The following RALGPS1 variants were observed in gnomAD, a reference collection of about 807,000 sequenced individuals.
RALGPS1 encodes ras-specific guanine nucleotide-releasing factor RalGPS1.
RALGPS1 carries 19 observed loss-of-function variants against 78.8 expected under a neutral mutation model. The observed-to-expected ratio is 0.24, with a 90% CI of 0.17 to 0.35. The LOEUF is 0.35. Ranked by LOEUF, RALGPS1 falls within the 10% of genes least tolerant of loss-of-function variation. The probability of loss-of-function intolerance (pLI) is 1.00; values close to 1 mark genes in which losing one functional copy is unlikely to be tolerated. For synonymous variants in RALGPS1, 228 were observed against 256.3 expected, an observed-to-expected ratio of 0.89 and a Z score of 1.06; for missense variants, 454 against 688.3, an observed-to-expected ratio of 0.66 and a Z score of 3.81.
At chr9:127,034,272 C>T (rs2046671168) in intron 4 of RALGPS1, among the ~76,000 whole-genome samples, 159 bp from the exon 5 acceptor site, 5 of 152,160 alleles carry the variant, frequency 3.3e-5, no homozygotes, top group Admixed American at 1.3e-4. Context: ...GCACTGTCAC[C>T]TACAAACCCA....
intron 8 of RALGPS1, among the ~76,000 whole-genome samples, chr9:127,105,710 T>C (rs1290812140): frequency 6.6e-6 from 1 of 152,138 alleles, no homozygotes; most frequent in African/African-American, 2.4e-5. Context: ...CCCAGAGAAA[T>C]CCATTGTCAG....
At chr9:127,103,854 G>A (rs2053970555) in intron 8 of RALGPS1, among the ~76,000 whole-genome samples, 1 of 152,210 alleles carries the variant, frequency 6.6e-6, no homozygotes, top group African/African-American at 2.4e-5. Flanking sequence ...TTCACGGGGT[G>A]ATTTTTACAC....
intron 8 of RALGPS1, among the ~76,000 whole-genome samples, chr9:127,117,173 C>T (rs1564612666): frequency 6.6e-6 from 1 of 152,234 alleles, no homozygotes; most frequent in Non-Finnish European, 1.5e-5. Flanking sequence ...CCTAAGTTGA[C>T]CTCACCATGA....
At chr9:127,154,288 C>A (rs892839678) in intron 8 of RALGPS1, among the ~76,000 whole-genome samples, 1 of 152,260 alleles carries the variant, frequency 6.6e-6, no homozygotes, top group Non-Finnish European at 1.5e-5. Context: ...TGCCTTGTGT[C>A]CACAGGGTGT....
chr9:127,014,556 T>C (rs2044644608), intron 4 of RALGPS1, among the ~76,000 whole-genome samples: 1 of 152,112 alleles, frequency 6.6e-6, no homozygotes, highest in Non-Finnish European at 1.5e-5. Context: ...TCTTTGGCTG[T>C]GAAATGTTGA....
At chr9:126,933,717 G>A (rs1014263450) in intron 1 of RALGPS1, among the ~76,000 whole-genome samples, 5 of 152,272 alleles carry the variant, frequency 3.3e-5, no homozygotes, top group African/African-American at 9.6e-5. Flanking sequence ...GTAGAGTAAG[G>A]TGTGGGGTAT....
rs1362612535 is a variant in RALGPS1, at chr9:127,069,458, G to T, written c.610+102G>T. The T allele has an allele frequency of 5.1e-6, 7 of 1,373,470 alleles. No individual in the cohort carries two copies. The East Asian group carries it at 9.3e-5, about 18-fold the overall frequency. 85.1% of individuals were successfully genotyped at this position (1,373,470 alleles called of 1,614,324 possible). ...TGAAAAATTTCCAGGAAGCGACATG[G>T]CCCGTAGATAAAGAGGCAATTGGTT... On this transcript the variant is annotated intron_variant, in intron 8 of 18. Coordinates refer to ENST00000259351, the MANE Select transcript of RALGPS1 (RefSeq NM_014636.3).
rs367596664 is a variant in RALGPS1 at position 127,211,535 on chromosome 9, G to T, written c.1248-596G>T. Among the ~76,000 whole-genome samples the T allele has an allele frequency of 6.6e-6, 1 of 152,180 alleles. No homozygotes were observed. Among genetic ancestry groups the T allele is most frequent in the Non-Finnish European group, 1.5e-5 (1 of 68,022 alleles). ...GGGGTGGTGCCATTCCTGAGGCACC[G>T]GCAGATCCGGAGCTCAGGAGGGAGG... On this transcript the variant is annotated intron_variant, in intron 14 of 18. Coordinates refer to ENST00000259351, the MANE Select transcript of RALGPS1 (RefSeq NM_014636.3). This position sits in a 1 kb window ranked among gnomAD's most constrained non-coding sequence, Gnocchi z 5.0.
At chr9:126,987,988 C>T (rs2041958270) in intron 4 of RALGPS1, among the ~76,000 whole-genome samples, 1 of 152,086 alleles carries the variant, frequency 6.6e-6, no homozygotes, top group East Asian at 1.9e-4. Flanking sequence ...ACGGGGTGGC[C>T]AAGAGCATCG....
intron 1 of RALGPS1, among the ~76,000 whole-genome samples, chr9:126,940,749 T>C (rs2036704834): frequency 6.6e-6 from 1 of 152,142 alleles, no homozygotes; most frequent in South Asian, 2.1e-4. Flanking sequence ...TTTCTCGGCA[T>C]GGTTGTATGA....
intron 8 of RALGPS1, chr9:127,093,713 C>T: frequency 6.2e-7 from 1 of 1,612,794 alleles, no homozygotes; most frequent in South Asian, 1.1e-5. Flanking sequence ...GCAGCACAGA[C>T]ATCCCCTGCC....
chr9:127,092,186 G>A (rs538387995), intron 8 of RALGPS1, among the ~76,000 whole-genome samples: 3 of 152,314 alleles, frequency 2.0e-5, no homozygotes. Context: ...CTTACATCAG[G>A]GAGGCTATAT....
intron 4 of RALGPS1, among the ~76,000 whole-genome samples, chr9:126,988,179 G>C (rs1302364211): frequency 6.6e-6 from 1 of 152,150 alleles, no homozygotes; most frequent in East Asian, 1.9e-4. Context: ...AAGAAAGGAA[G>C]AGCCTCAAGC....
chr9:127,120,532 T>G (rs1283998666), intron 8 of RALGPS1, among the ~76,000 whole-genome samples: 1 of 152,178 alleles, frequency 6.6e-6, no homozygotes, highest in African/African-American at 2.4e-5. Context: ...GGGAAAGAAT[T>G]TGGGTCTCTG....
chr9:127,025,531 G>T (rs186935206), intron 4 of RALGPS1, among the ~76,000 whole-genome samples: 1 of 152,224 alleles, frequency 6.6e-6, no homozygotes, highest in East Asian at 1.9e-4. Context: ...ATAGCACCTG[G>T]TATTGTCACT....
chr9:127,145,821 C>A (rs1400358972), intron 8 of RALGPS1, among the ~76,000 whole-genome samples: 3 of 152,234 alleles, frequency 2.0e-5, no homozygotes. Flanking sequence ...GCTTCCCAAC[C>A]TCTCTGACCT....
chr9:127,050,133 G>T lies in RALGPS1; in HGVS notation c.390+1G>T. ...CAGCCATTTTGTGAAAATAGCCAAG[G>T]TAAGCTTTTTATTATTATTTTTCCT... is the stretch of plus-strand genomic sequence containing the variant. On this transcript the variant is annotated splice_donor_variant, in intron 6 of 18. Transcript: ENST00000259351. LOFTEE classifies it high-confidence loss of function. 6.2e-7 allele frequency: 1 copy of T among 1,603,102 alleles called. No homozygotes were observed. The highest frequency in any genetic ancestry group is 8.5e-7 in the Non-Finnish European group (1 of 1,170,024).
intron 8 of RALGPS1, among the ~76,000 whole-genome samples, chr9:127,136,816 T>G (rs894042200): frequency 5.9e-5 from 9 of 152,158 alleles, no homozygotes; most frequent in Non-Finnish European, 1.3e-4. Context: ...CAGGTCTGCC[T>G]CACTCCAAAC....
chr9:127,091,031 C>CT lies in RALGPS1; in HGVS notation c.610+21677dup, dbSNP rs1438301763. ...CTTTCTCTCTCCTATCTGCTTTCCT[C>CT]TTAATAGCTTCCTCTCAGCACTGCA... is the stretch of plus-strand genomic sequence containing the variant. On this transcript the variant is annotated intron_variant, in intron 8 of 18. Coordinates refer to ENST00000259351, the MANE Select transcript of RALGPS1 (RefSeq NM_014636.3). This position sits in a 1 kb window ranked among gnomAD's most constrained non-coding sequence, Gnocchi z 4.3. 6.6e-6 allele frequency among the ~76,000 whole-genome samples: 1 copy of CT among 152,232 alleles called. No individual in the cohort carries two copies. Among genetic ancestry groups the CT allele is most frequent in the Non-Finnish European group, 1.5e-5 (1 of 68,042 alleles).
Sources: gnomAD v4.1 joint callset for allele counts (sites outside exome capture counted in the v4.1 genomes callset) on GRCh38, gnomAD v4.1.1 for gene constraint, Gnocchi (gnomAD v3.1) non-coding constraint, MANE v1.5 for transcripts, NCBI Gene and HGNC (gene_info 2026-07-23, HGNC 2026-07-21) for gene names.